Variants in PRMT8 observed in about 807,000 individuals in gnomAD.
The protein encoded by PRMT8 is protein arginine N-methyltransferase 8.
PRMT8 carries 7 observed loss-of-function variants against 47.1 expected under a neutral mutation model. That is an observed-to-expected ratio of 0.15 (90% CI 0.08 to 0.28). The LOEUF is 0.28. PRMT8 is among the 10% of genes least tolerant of loss of function. PRMT8 has a pLI of 1.00. For synonymous variants in PRMT8, 188 were observed against 186.5 expected (o/e 1.01, Z -0.07); for missense variants, 237 against 505.4 (o/e 0.47, Z 5.09).
chr12:3,467,623 A>G (rs1200128268), intron 1 of PRMT8, among the ~76,000 whole-genome samples: 2 of 152,234 alleles, frequency 1.3e-5, no homozygotes, highest in African/African-American at 4.8e-5. Context: ...AGACCAGCTT[A>G]AGGACAGAAT....
chr12:3,538,521 A>C lies in PRMT8; in HGVS notation c.76-2085A>C. On this transcript the variant is annotated intron_variant, in intron 1 of 9. Coordinates refer to ENST00000382622, the MANE Select transcript of PRMT8 (RefSeq NM_019854.5). This position sits in a 1 kb window ranked among gnomAD's most constrained non-coding sequence, Gnocchi z 4.6. ...GGGGAGTCTTAGCCTGTGGAGTCCC[A>C]GGAAGCACATGGAAAAGAGAGCCTT... is the stretch of plus-strand genomic sequence containing the variant. 1 of 458,854 alleles carries C rather than the reference A, an allele frequency of 2.2e-6. No individual in the cohort carries two copies. Among genetic ancestry groups the C allele is most frequent in the Non-Finnish European group, 4.3e-6 (1 of 230,242 alleles). 28.4% of individuals were successfully genotyped at this position (458,854 alleles called of 1,614,324 possible).
intron 1 of PRMT8, among the ~76,000 whole-genome samples, chr12:3,425,817 A>C (rs1186792364): frequency 2.0e-5 from 3 of 152,270 alleles, no homozygotes; most frequent in African/African-American, 7.2e-5. Context: ...CTAAAGAACA[A>C]GTGCCACTCC....
At chr12:3,428,137 G>T (rs192505993) in intron 1 of PRMT8, among the ~76,000 whole-genome samples, 349 of 152,216 alleles carry the variant, frequency 2.3e-3, no homozygotes, top group Non-Finnish European at 3.5e-3. Context: ...TTCCTCATAG[G>T]TCTGGTCGGA....
chr12:3,512,099 C>A (rs941121159), intron 1 of PRMT8, among the ~76,000 whole-genome samples: 4 of 152,108 alleles, frequency 2.6e-5, no homozygotes, highest in African/African-American at 9.7e-5. Context: ...CTTGGAGACC[C>A]CCTTGTGACT....
At chr12:3,473,058 A>C (rs2137096457) in intron 1 of PRMT8, among the ~76,000 whole-genome samples, 1 of 152,222 alleles carries the variant, frequency 6.6e-6, no homozygotes, top group South Asian at 2.1e-4. Context: ...TTTCAATGGA[A>C]TTATAACAAG....
rs71534238 is a variant in PRMT8 at position 3,592,301 on chromosome 12, G to T, written c.1050G>T (p.Arg350Ser). 44 of 1,599,274 alleles carry T rather than the reference G, an allele frequency of 2.8e-5. No individual in the cohort carries two copies. In the Middle Eastern group the frequency reaches 6.6e-4, roughly 24 times the overall value. ...TGGAAGATTACCTCACTGTCCGGAG[G>T]GGGGAGGAAATCTACGGGACCATAT... ...FYLEDYLTVR[R>S]GEEIYGTISM... Residue 350 changes from arginine (R) to serine (S), a missense_variant, in exon 9 of 10, where the codon AGG becomes AGT. Transcript: ENST00000382622.
upstream of PRMT8, chr12:3,491,142 C>G: frequency 1.0e-6 from 1 of 986,300 alleles, no homozygotes; most frequent in Non-Finnish European, 1.2e-6. Context: ...TCCAGCGAAC[C>G]TCCTACCCCG....
rs1486841288 is a variant in PRMT8 at position 3,576,258 on chromosome 12, C to A, written c.713-613C>A. Among the ~76,000 whole-genome samples, 1 of 152,124 alleles carries A rather than the reference C, an allele frequency of 6.6e-6. No homozygotes were observed. The highest frequency in any genetic ancestry group is 1.5e-5 in the Non-Finnish European group (1 of 68,030). On this transcript the variant is annotated intron_variant, in intron 6 of 9. Transcript: ENST00000382622. This position sits in a 1 kb window ranked among gnomAD's most constrained non-coding sequence, Gnocchi z 4.0. ...AAGGAAGGCAGAGATGCTCCTGGAC[C>A]CACCCAGGTGAGAAAACTGAGGTTC...
chr12:3,487,613 C>T (rs958443404), upstream of PRMT8, among the ~76,000 whole-genome samples: 2 of 152,162 alleles, frequency 1.3e-5, no homozygotes, highest in African/African-American at 4.8e-5. Context: ...TGAGCCTTTC[C>T]AGTAATAGGA....
intron 4 of PRMT8, among the ~76,000 whole-genome samples, chr12:3,553,959 G>A (rs940917740): frequency 1.3e-5 from 2 of 152,126 alleles, no homozygotes; most frequent in Admixed American, 6.5e-5. Context: ...GCTAAATCCC[G>A]AGTTGCCAGA....
chr12:3,429,314 AAAGT>A (rs61400894), intron 1 of PRMT8, among the ~76,000 whole-genome samples: 3,449 of 152,192 alleles, frequency 0.023, 134 homozygotes, highest in African/African-American at 0.079. Context: ...TATTTCACAC[AAAGT>A]TACTAAGTTT....
In PRMT8 at chr12:3,563,192, G is replaced by A. The variant is rs967080316; in HGVS notation, c.482-5514G>A. Reference sequence around the variant, plus strand: ...ACTGCCTAAGGGAGGAGAGAAACCAGGCAGGGTCTCTGGCCAGGGAATGGC... The same window carrying A: ...ACTGCCTAAGGGAGGAGAGAAACCAAGCAGGGTCTCTGGCCAGGGAATGGC... On this transcript the variant is annotated intron_variant, in intron 4 of 9. Transcript: ENST00000382622. 2.0e-5 allele frequency among the ~76,000 whole-genome samples: 3 copies of A among 152,044 alleles called. No individual in the cohort carries two copies. In the East Asian group the frequency reaches 5.8e-4, roughly 29 times the overall value.
intron 1 of PRMT8, among the ~76,000 whole-genome samples, chr12:3,465,432 CTT>C (rs1335374937): frequency 6.6e-6 from 1 of 151,802 alleles, no homozygotes; most frequent in East Asian, 1.9e-4. Context: ...AATAAAGTCT[CTT>C]TGCTCCAAAT....
intron 1 of PRMT8, among the ~76,000 whole-genome samples, chr12:3,428,291 TA>T (rs1279981571): frequency 1.3e-5 from 2 of 152,160 alleles, no homozygotes; most frequent in Non-Finnish European, 2.9e-5. Flanking sequence ...TGAAGATTTT[TA>T]AGTTAGTAAG....
intron 1 of PRMT8, among the ~76,000 whole-genome samples, chr12:3,389,791 C>T (rs1424547823): frequency 1.3e-5 from 2 of 152,206 alleles, no homozygotes; most frequent in African/African-American, 4.8e-5. Context: ...TCCTGGAATT[C>T]CCTTTCCGTC....
chr12:3,533,094 G>A (rs1430343697), intron 1 of PRMT8, among the ~76,000 whole-genome samples: 1 of 152,164 alleles, frequency 6.6e-6, no homozygotes, highest in East Asian at 1.9e-4. Context: ...CAAGATCCCA[G>A]AGTTAGAGTC....
chr12:3,518,126 G>A (rs1298112447), intron 1 of PRMT8, among the ~76,000 whole-genome samples: 5 of 152,078 alleles, frequency 3.3e-5, no homozygotes, highest in Non-Finnish European at 7.4e-5. Context: ...CACCATACAT[G>A]TCACAAAGTA....
chr12:3,576,814 T>G lies in PRMT8; in HGVS notation c.713-57T>G. 3 of 1,382,382 alleles carry G rather than the reference T, an allele frequency of 2.2e-6. No homozygotes were observed. Among genetic ancestry groups the G allele is most frequent in the Non-Finnish European group, 3.1e-6 (3 of 975,140 alleles). The allele number at this position is 1,382,382 out of a possible 1,614,324, so 85.6% of individuals were successfully genotyped here. On this transcript the variant is annotated intron_variant, in intron 6 of 9. Coordinates refer to ENST00000382622, the MANE Select transcript of PRMT8 (RefSeq NM_019854.5). This position sits in a 1 kb window ranked among gnomAD's most constrained non-coding sequence, Gnocchi z 4.0. ...CGCTGTGCTCTAGGACTCAGGAGGG[T>G]TGGGTGAGCTTCTGGGGGTCCTGCG...
At chr12:3,567,943 CAT>C (rs1866753336) in intron 4 of PRMT8, among the ~76,000 whole-genome samples, 1 of 152,048 alleles carries the variant, frequency 6.6e-6, no homozygotes, top group East Asian at 1.9e-4. Flanking sequence ...CGTGGTGGCA[CAT>C]GCCTGTAATC....
Sources: allele counts gnomAD v4.1 joint callset (sites outside exome capture counted in the v4.1 genomes callset), GRCh38; gene constraint gnomAD v4.1.1; non-coding constraint Gnocchi (gnomAD v3.1); transcripts MANE v1.5; gene names NCBI Gene and HGNC (gene_info 2026-07-23, HGNC 2026-07-21).